The following TAFA2 variants were observed in gnomAD, a reference collection of about 807,000 sequenced individuals.
TAFA2 encodes the protein chemokine-like protein TAFA-2.
In TAFA2, 7 loss-of-function variants were observed where a neutral mutation model predicts 18.8. The ratio of observed to expected loss-of-function variants is 0.37; its 90% CI spans 0.21 to 0.70. The LOEUF is 0.70. Among genes scored for constraint, TAFA2 ranks in the 30% least tolerant of loss-of-function variants. The pLI, the probability that TAFA2 is intolerant of heterozygous loss-of-function variation, is 0.53. For missense variants in TAFA2, 122 were observed against 158.1 expected (o/e 0.77, Z 1.23); for synonymous variants, 60 against 54.2 (o/e 1.11, Z -0.47).
intron 1 of TAFA2, among the ~76,000 whole-genome samples, chr12:62,081,121 G>A (rs1565738109): frequency 6.6e-6 from 1 of 152,126 alleles, no homozygotes; most frequent in Non-Finnish European, 1.5e-5. Flanking sequence ...CGTGAACCCG[G>A]GAGGTGGAGC....
At chr12:62,195,717 G>A (rs1215249405), upstream of TAFA2, among the ~76,000 whole-genome samples, 2 of 152,196 alleles carry the variant, frequency 1.3e-5, no homozygotes, top group Non-Finnish European at 2.9e-5. Flanking sequence ...GTAAACAAAT[G>A]TGCTGCTATC....
intron 1 of TAFA2, among the ~76,000 whole-genome samples, chr12:61,881,236 T>A (rs1000893086): frequency 1.3e-5 from 2 of 152,172 alleles, no homozygotes; most frequent in Non-Finnish European, 2.9e-5. Context: ...TATACAGTTA[T>A]GCATTGCTCA....
At chr12:61,982,876 C>CAAAAAA (rs3031097) in intron 1 of TAFA2, among the ~76,000 whole-genome samples, 3,266 of 101,328 alleles carry the variant, frequency 0.032, 227 homozygotes, top group African/African-American at 0.1. Flanking sequence ...AAGTGGAAGG[C>CAAAAAA]AAAAAAAAAA....
intron 2 of TAFA2, among the ~76,000 whole-genome samples, chr12:61,861,965 T>C (rs998131008): frequency 5.9e-5 from 9 of 152,230 alleles, no homozygotes; most frequent in African/African-American, 2.2e-4. Context: ...ACTAACTTTT[T>C]TAGGCTCCTT....
At position 61,710,103 on chromosome 12, in the gene TAFA2, C is replaced by G. The variant is rs1280527201; in HGVS notation, c.*303G>C. On this transcript the variant is annotated 3_prime_UTR_variant, in exon 5 of 5. Coordinates refer to ENST00000416284, the MANE Select transcript of TAFA2 (RefSeq NM_178539.5). The stretch of plus-strand genomic sequence containing the variant: ...CCAATAACTCAAAAGGTGACTGTCT[C>G]TAACATCACCCTGAAAAAAACAACT... 12 of 390,602 alleles carry G rather than the reference C, an allele frequency of 3.1e-5. No homozygotes were observed. The highest frequency in any genetic ancestry group is 1.9e-5 in the Non-Finnish European group (4 of 215,948). The allele number at this position is 390,602 out of a possible 1,614,324, so 24.2% of individuals were successfully genotyped here.
chr12:62,255,695 A>G (rs1053721196), intron 1 of TAFA2, among the ~76,000 whole-genome samples: 1 of 151,658 alleles, frequency 6.6e-6, no homozygotes, highest in East Asian at 2.0e-4. Flanking sequence ...TCTACTAAAA[A>G]TACAAAAATT....
intron 1 of TAFA2, among the ~76,000 whole-genome samples, chr12:61,953,657 G>T (rs1244232030): frequency 1.3e-5 from 2 of 152,058 alleles, no homozygotes; most frequent in Non-Finnish European, 2.9e-5. Context: ...TAACACACAG[G>T]ACATGACAAA....
rs1240221871 is a variant in TAFA2, at chr12:62,218,017, A to G, written c.-130+40746T>C. ...ATTTATTTATTTATTTATTTTTGAG[A>G]CAGGGTCTCACTCTGTTGCCCTGGC... On this transcript the variant is annotated intron_variant, in intron 1 of 5. Coordinates refer to the TAFA2 transcript ENST00000551619. Among the ~76,000 whole-genome samples the G allele has an allele frequency of 4.1e-5, 6 of 147,192 alleles. 1 individual carries two copies. The highest frequency in any genetic ancestry group is 1.5e-4 in the African/African-American group (6 of 39,898).
At chr12:61,740,298 G>A (rs1868386939) in intron 4 of TAFA2, among the ~76,000 whole-genome samples, 1 of 150,644 alleles carries the variant, frequency 6.6e-6, no homozygotes, top group African/African-American at 2.5e-5. Flanking sequence ...CATGGACACA[G>A]GGGTGGGGGG....
At chr12:61,801,566 A>G (rs1272801632) in intron 2 of TAFA2, among the ~76,000 whole-genome samples, 1 of 152,092 alleles carries the variant, frequency 6.6e-6, no homozygotes, top group Non-Finnish European at 1.5e-5. Flanking sequence ...ATGCAGAAAA[A>G]TGAAACCAAA....
intron 1 of TAFA2, among the ~76,000 whole-genome samples, chr12:61,947,206 G>A (rs202161099): frequency 6.8e-6 from 1 of 146,096 alleles, no homozygotes; most frequent in African/African-American, 2.6e-5. Context: ...CTATCGCAAG[G>A]ACAAAAAACC....
chr12:62,124,220 C>T (rs766974577), intron 1 of TAFA2, among the ~76,000 whole-genome samples: 6 of 151,166 alleles, frequency 4.0e-5, no homozygotes, highest in Non-Finnish European at 7.4e-5. Flanking sequence ...CTCTGGATTA[C>T]ATATGTATTT....
chr12:61,903,044 C>A (rs1000643253), intron 1 of TAFA2, among the ~76,000 whole-genome samples: 4 of 152,140 alleles, frequency 2.6e-5, no homozygotes, highest in Non-Finnish European at 5.9e-5. Context: ...CAACAATGAA[C>A]TCCTATCTGA....
chr12:61,921,252 G>A (rs1396699355), intron 1 of TAFA2, among the ~76,000 whole-genome samples: 2 of 152,186 alleles, frequency 1.3e-5, no homozygotes, highest in Admixed American at 6.5e-5. Context: ...TAGGAAGAGT[G>A]CAAGTGAGCC....
At chr12:61,726,020 CTTTTTTTT>C (rs56346396) in intron 4 of TAFA2, among the ~76,000 whole-genome samples, 1 of 143,848 alleles carries the variant, frequency 7.0e-6, no homozygotes, top group Non-Finnish European at 1.5e-5. Context: ...TTTCTTTTTT[CTTTTTTTT>C]TTTTTAGAAA....
chr12:62,030,993 G>A (rs142146006), intron 1 of TAFA2, among the ~76,000 whole-genome samples: 217 of 152,134 alleles, frequency 1.4e-3, no homozygotes, highest in African/African-American at 5.1e-3. Context: ...ACCCTTATAT[G>A]GTAGGTACTA....
At chr12:62,065,979 A>G (rs75425672) in intron 1 of TAFA2, among the ~76,000 whole-genome samples, 3,629 of 152,100 alleles carry the variant, frequency 0.024, 147 homozygotes, top group African/African-American at 0.082. Flanking sequence ...AAAGCTGTAG[A>G]TAAACCCTGT....
At chr12:61,733,771 C>T (rs1868259543) in intron 4 of TAFA2, among the ~76,000 whole-genome samples, 1 of 152,030 alleles carries the variant, frequency 6.6e-6, no homozygotes, top group Non-Finnish European at 1.5e-5. Context: ...TTTTTGGTTC[C>T]ATACGAACTT....
intron 1 of TAFA2, among the ~76,000 whole-genome samples, chr12:61,990,486 C>T: frequency 6.6e-6 from 1 of 151,812 alleles, no homozygotes; most frequent in East Asian, 1.9e-4. Context: ...ACTACAGGTG[C>T]CCGCCACCAC....
Sources: gnomAD v4.1 joint callset for allele counts (sites outside exome capture counted in the v4.1 genomes callset) on GRCh38, gnomAD v4.1.1 for gene constraint, MANE v1.5 for transcripts, NCBI Gene and HGNC (gene_info 2026-07-23, HGNC 2026-07-21) for gene names.